The following CA10 variants were observed in gnomAD, a reference collection of about 807,000 sequenced individuals.
The protein encoded by CA10 is carbonic anhydrase 10 (inactive).
In CA10, 14 loss-of-function variants were observed where a neutral mutation model predicts 44.2. That is an observed-to-expected ratio of 0.32 (90% CI 0.21 to 0.50). The LOEUF (loss-of-function observed/expected upper bound fraction) is 0.50. Among genes scored for constraint, CA10 ranks in the 20% least tolerant of loss-of-function variants. The pLI is 0.99. For missense variants in CA10, 350 were observed against 409.7 expected (o/e 0.85, Z 1.26); for synonymous variants, 159 against 141.6 (o/e 1.12, Z -0.87).
chr17:52,096,418 T>C (rs1415648077), intron 1 of CA10, among the ~76,000 whole-genome samples: 2 of 152,058 alleles, frequency 1.3e-5, no homozygotes, highest in African/African-American at 2.4e-5. Context: ...GTTTTCCCCA[T>C]CTTTAGAGAA....
intron 3 of CA10, among the ~76,000 whole-genome samples, chr17:51,922,121 C>A (rs142394144): frequency 2.0e-4 from 30 of 152,250 alleles, no homozygotes; most frequent in African/African-American, 6.5e-4. Flanking sequence ...TTATTACCTG[C>A]CTACTAAGTG....
At chr17:52,132,206 T>A (rs1010587144) in intron 1 of CA10, among the ~76,000 whole-genome samples, 1 of 152,108 alleles carries the variant, frequency 6.6e-6, no homozygotes, top group Non-Finnish European at 1.5e-5. Context: ...TTTTTATTTT[T>A]AAATTAAAAA....
At chr17:51,702,650 C>G (rs994156961) in intron 4 of CA10, among the ~76,000 whole-genome samples, 2 of 152,160 alleles carry the variant, frequency 1.3e-5, no homozygotes, top group African/African-American at 4.8e-5. Context: ...GACTCCCATA[C>G]CTCTGGCTAT....
intron 3 of CA10, among the ~76,000 whole-genome samples, chr17:51,826,581 T>C (rs1908016540): frequency 6.6e-6 from 1 of 152,082 alleles, no homozygotes. Context: ...AGAGCCCTGC[T>C]TGTGTGGACA....
At chr17:51,717,086 C>A (rs544470242) in intron 4 of CA10, among the ~76,000 whole-genome samples, 15 of 152,284 alleles carry the variant, frequency 9.9e-5, no homozygotes, top group Non-Finnish European at 1.6e-4. Context: ...GCTCCTAAAA[C>A]CCTTGTAATT....
intron 2 of CA10, among the ~76,000 whole-genome samples, chr17:52,052,299 T>TA (rs149731635): frequency 6.9e-6 from 1 of 145,146 alleles, no homozygotes; most frequent in African/African-American, 2.5e-5. Context: ...CTTTTTTTTT[T>TA]AAAAAAAAAA....
At chr17:51,834,865 CA>C (rs1337908441) in intron 3 of CA10, among the ~76,000 whole-genome samples, 1 of 152,148 alleles carries the variant, frequency 6.6e-6, no homozygotes, top group Non-Finnish European at 1.5e-5. Flanking sequence ...ATCCTAGTGT[CA>C]TGCAAAAGCA....
intron 3 of CA10, among the ~76,000 whole-genome samples, chr17:51,830,258 A>G (rs183276067): frequency 2.0e-4 from 31 of 152,046 alleles, no homozygotes; most frequent in Admixed American, 7.2e-4. Flanking sequence ...GTATTTACAC[A>G]TAGGTGACTG....
chr17:51,657,720 C>T (rs1913846241), intron 4 of CA10, among the ~76,000 whole-genome samples: 2 of 152,190 alleles, frequency 1.3e-5, no homozygotes. Context: ...TGAGCCCCAA[C>T]TTTAAGGCTT....
chr17:51,908,681 C>G (rs546536088), intron 3 of CA10, among the ~76,000 whole-genome samples: 1 of 152,258 alleles, frequency 6.6e-6, no homozygotes, highest in South Asian at 2.1e-4. Flanking sequence ...ACATTCATTC[C>G]TGACTACTGG....
intron 3 of CA10, among the ~76,000 whole-genome samples, chr17:51,749,592 A>G (rs1904824007): frequency 6.6e-6 from 1 of 152,210 alleles, no homozygotes; most frequent in African/African-American, 2.4e-5. Context: ...TAAGTCTCTA[A>G]ATTTTGGGGT....
At chr17:51,760,905 T>C (rs1459057513) in intron 3 of CA10, among the ~76,000 whole-genome samples, 2 of 152,264 alleles carry the variant, frequency 1.3e-5, no homozygotes, top group African/African-American at 2.4e-5. Flanking sequence ...ATAATAATTA[T>C]GAATGAGGTG....
chr17:51,717,529 GTATATATATATATATATA>G lies in CA10; in HGVS notation c.465+30086_465+30103del, dbSNP rs3031848. Among the ~76,000 whole-genome samples, 16 of 50,180 alleles carry G rather than the reference GTATATATATATATATATA, an allele frequency of 3.2e-4. 1 individual carries two copies. Among genetic ancestry groups the G allele is most frequent in the African/African-American group, 9.2e-4 (15 of 16,360 alleles). 32.9% of individuals were successfully genotyped at this position (50,180 alleles called of 152,430 possible). On this transcript the variant is annotated intron_variant, in intron 4 of 8. Coordinates refer to ENST00000451037, the MANE Select transcript of CA10 (RefSeq NM_020178.5). ...AATCAACAAGTGGATAAAGAAACTGGTATATATATATATATATATATATATATATATAATATTACATAA... is the reference window on the plus strand; with the variant it reads ...AATCAACAAGTGGATAAAGAAACTGGTATATATATATATAATATTACATAA...
chr17:51,715,910 G>A (rs957663757), intron 4 of CA10, among the ~76,000 whole-genome samples: 5 of 152,012 alleles, frequency 3.3e-5, no homozygotes, highest in Non-Finnish European at 4.4e-5. Context: ...GGCTGGTCTC[G>A]AACTCCTGAC....
chr17:51,780,992 G>T (rs1028551326), intron 3 of CA10, among the ~76,000 whole-genome samples: 5 of 152,288 alleles, frequency 3.3e-5, no homozygotes, highest in African/African-American at 1.2e-4. Context: ...AGCCATATTT[G>T]GCCAGTGGGC....
chr17:51,896,799 T>C (rs1339890022), intron 3 of CA10, among the ~76,000 whole-genome samples: 5 of 152,032 alleles, frequency 3.3e-5, no homozygotes, highest in Non-Finnish European at 7.4e-5. Flanking sequence ...AGGTGGTATC[T>C]CATTGTGGTT....
intron 3 of CA10, among the ~76,000 whole-genome samples, chr17:51,914,490 C>A (rs998575654): frequency 6.6e-6 from 1 of 152,054 alleles, no homozygotes; most frequent in African/African-American, 2.4e-5. Flanking sequence ...GGGAAGAGAG[C>A]AATGGTCAGA....
At chr17:52,064,746 C>T (rs1987488006) in intron 2 of CA10, among the ~76,000 whole-genome samples, 1 of 151,992 alleles carries the variant, frequency 6.6e-6, no homozygotes, top group African/African-American at 2.4e-5. Context: ...CCATTTGTAC[C>T]CAATTTTAAA....
chr17:52,087,210 G>A (rs533640357), intron 1 of CA10, among the ~76,000 whole-genome samples: 239 of 152,260 alleles, frequency 1.6e-3, no homozygotes, highest in African/African-American at 5.4e-3. Context: ...GCCTGATGTC[G>A]TCTCACTGCA....
Sources: gnomAD v4.1 joint callset for allele counts (sites outside exome capture counted in the v4.1 genomes callset) on GRCh38, gnomAD v4.1.1 for gene constraint, MANE v1.5 for transcripts, NCBI Gene and HGNC (gene_info 2026-07-23, HGNC 2026-07-21) for gene names.